The following IL1RAPL1 variants were observed in gnomAD, a reference collection of about 807,000 sequenced individuals.
IL1RAPL1 encodes the protein interleukin-1 receptor accessory protein-like 1.
A neutral mutation model predicts 48.4 loss-of-function variants in IL1RAPL1; 3 were observed. The observed-to-expected ratio is 0.06, with a 90% CI of 0.03 to 0.16. The LOEUF (loss-of-function observed/expected upper bound fraction) is 0.16, where lower values mean the gene tolerates loss of function less well. IL1RAPL1 is among the 10% of genes least tolerant of loss of function. The probability of loss-of-function intolerance (pLI) is 1.00; values close to 1 mark genes in which losing one functional copy is unlikely to be tolerated. For missense variants in IL1RAPL1, 349 were observed against 530.6 expected, an observed-to-expected ratio of 0.66 and a Z score of 3.36; for synonymous variants, 185 against 187.7, an observed-to-expected ratio of 0.99 and a Z score of 0.12.
In IL1RAPL1 at chrX:29,492,938, A is replaced by C. The variant is rs1488784604; in HGVS notation, c.703+93630A>C. 2.7e-5 allele frequency among the ~76,000 whole-genome samples: 3 copies of C among 111,576 alleles called. No individual in the cohort carries two copies. The East Asian group carries it at 8.4e-4, about 31-fold the overall frequency. On this transcript the variant is annotated intron_variant, in intron 5 of 10. Transcript: ENST00000378993. ...TCAAGCATTATAGACATTGCCTGTTAATGTTGAAGCAAGCTTGAACAGAGC... is the reference window on the plus strand; with the variant it reads ...TCAAGCATTATAGACATTGCCTGTTCATGTTGAAGCAAGCTTGAACAGAGC...
chrX:29,934,469 T>C (rs1041524107), intron 8 of IL1RAPL1, among the ~76,000 whole-genome samples: 2 of 112,358 alleles, frequency 1.8e-5, no homozygotes, highest in Non-Finnish European at 3.8e-5. Context: ...AAGTACACTC[T>C]AATTACAATA....
chrX:29,500,270 C>T (rs963727356), intron 5 of IL1RAPL1, among the ~76,000 whole-genome samples: 4 of 112,293 alleles, frequency 3.6e-5, no homozygotes, highest in Non-Finnish European at 7.5e-5. Context: ...CGTGAGCCAT[C>T]GTGCCCAGCC....
At chrX:28,723,534 C>G (rs1482875879) in intron 1 of IL1RAPL1, among the ~76,000 whole-genome samples, 1 of 111,409 alleles carries the variant, frequency 9.0e-6, no homozygotes, top group Non-Finnish European at 1.9e-5. Flanking sequence ...TTGCTCTTTT[C>G]AAAAAAGCAG....
chrX:28,704,420 AAAC>A (rs1403509395), intron 1 of IL1RAPL1, among the ~76,000 whole-genome samples: 1 of 64,285 alleles, frequency 1.6e-5, no homozygotes, highest in Non-Finnish European at 2.9e-5. Context: ...TAAAACACAC[AAAC>A]ACACACACAC....
At chrX:29,756,693 A>G (rs1601810042) in intron 6 of IL1RAPL1, among the ~76,000 whole-genome samples, 1 of 112,127 alleles carries the variant, frequency 8.9e-6, no homozygotes, top group Non-Finnish European at 1.9e-5. Flanking sequence ...GATTACAGGC[A>G]TGAGCCACCA....
chrX:29,232,894 G>GT (rs1191705499), intron 2 of IL1RAPL1, among the ~76,000 whole-genome samples: 1 of 110,427 alleles, frequency 9.1e-6, no homozygotes, highest in Non-Finnish European at 1.9e-5. Context: ...CACCTCCTGG[G>GT]TTCAAGTGAT....
intron 2 of IL1RAPL1, among the ~76,000 whole-genome samples, chrX:28,906,660 G>GTA (rs1286536249): frequency 6.3e-5 from 7 of 111,947 alleles, no homozygotes; most frequent in Non-Finnish European, 9.4e-5. Flanking sequence ...CTAGACATAT[G>GTA]TATATATCCA....
At chrX:28,885,456 C>T (rs182657711) in intron 2 of IL1RAPL1, among the ~76,000 whole-genome samples, 1 of 111,445 alleles carries the variant, frequency 9.0e-6, no homozygotes, top group East Asian at 2.8e-4. Flanking sequence ...TGCCTGACTC[C>T]TGCAGCCATT....
intron 6 of IL1RAPL1, among the ~76,000 whole-genome samples, chrX:29,800,526 A>G (rs1038558319): frequency 9.0e-6 from 1 of 110,699 alleles, no homozygotes; most frequent in Non-Finnish European, 1.9e-5. Context: ...ATGCAGACAC[A>G]CACACAAACA....
At chrX:29,541,288 T>C (rs917572260) in intron 5 of IL1RAPL1, among the ~76,000 whole-genome samples, 11 of 111,707 alleles carry the variant, frequency 9.8e-5, no homozygotes, top group Non-Finnish European at 1.9e-4. Flanking sequence ...CCACAGATGC[T>C]AGTGAGGCTG....
chrX:29,886,990 G>A (rs752043984), intron 6 of IL1RAPL1, among the ~76,000 whole-genome samples: 4 of 111,606 alleles, frequency 3.6e-5, no homozygotes, highest in African/African-American at 9.7e-5. Flanking sequence ...TTTCTTATTA[G>A]AGTACTTGAA....
intron 5 of IL1RAPL1, among the ~76,000 whole-genome samples, chrX:29,523,390 A>T (rs1269322983): frequency 4.5e-5 from 5 of 111,953 alleles, no homozygotes; most frequent in Non-Finnish European, 7.5e-5. Flanking sequence ...CCTGAAAAAT[A>T]TATGAGAAAG....
At chrX:28,944,500 T>C (rs1373124368) in intron 2 of IL1RAPL1, among the ~76,000 whole-genome samples, 1 of 111,122 alleles carries the variant, frequency 9.0e-6, no homozygotes, top group Non-Finnish European at 1.9e-5. Context: ...AGATTACAAA[T>C]AGTTAGAAAT....
intron 2 of IL1RAPL1, among the ~76,000 whole-genome samples, chrX:29,265,732 T>G (rs1281838410): frequency 9.5e-6 from 1 of 105,230 alleles, no homozygotes; most frequent in African/African-American, 3.5e-5. Context: ...TTTGGTTTTT[T>G]GTTCTTGCGA....
At chrX:28,603,962 C>T (rs1242286357) in intron 1 of IL1RAPL1, among the ~76,000 whole-genome samples, 1 of 112,263 alleles carries the variant, frequency 8.9e-6, no homozygotes, top group Non-Finnish European at 1.9e-5. Flanking sequence ...AGCTTAGAAC[C>T]TATAGCCAAA....
intron 2 of IL1RAPL1, among the ~76,000 whole-genome samples, chrX:28,905,143 C>A (rs191015121): frequency 4.5e-5 from 5 of 111,299 alleles, no homozygotes; most frequent in Admixed American, 9.6e-5. Context: ...TTCACTAGAT[C>A]TTTAAAACTC....
chrX:29,892,193 TAAG>T (rs1321520155), intron 6 of IL1RAPL1, among the ~76,000 whole-genome samples: 2 of 112,323 alleles, frequency 1.8e-5, no homozygotes. Flanking sequence ...TTTTCAATGT[TAAG>T]AAGAATATGT....
At chrX:29,913,981 CCT>C (rs1932779267) in intron 6 of IL1RAPL1, among the ~76,000 whole-genome samples, 1 of 112,121 alleles carries the variant, frequency 8.9e-6, no homozygotes, top group Non-Finnish European at 1.9e-5. Context: ...CATGCTCTTT[CCT>C]CTCTGTCCAG....
intron 1 of IL1RAPL1, among the ~76,000 whole-genome samples, chrX:28,768,707 C>CTG (rs1569168386): frequency 3.1e-4 from 21 of 68,113 alleles, no homozygotes; most frequent in South Asian, 1.7e-3. Context: ...CTCTGTTTCT[C>CTG]TCTCTCTCTC....
Sources: gnomAD v4.1 joint callset for allele counts (sites outside exome capture counted in the v4.1 genomes callset) on GRCh38, gnomAD v4.1.1 for gene constraint, MANE v1.5 for transcripts, NCBI Gene and HGNC (gene_info 2026-07-23, HGNC 2026-07-21) for gene names.